The following RASAL2 variants were observed in gnomAD, a reference collection of about 807,000 sequenced individuals.
The protein encoded by RASAL2 is RAS protein activator like 2, also known as ras GTPase-activating protein nGAP.
A neutral mutation model predicts 128.9 loss-of-function variants in RASAL2; 58 were observed. The ratio of observed to expected loss-of-function variants is 0.45; its 90% CI spans 0.36 to 0.56. RASAL2 has a LOEUF of 0.56. RASAL2 is among the 20% of genes least tolerant of loss of function. The probability of loss-of-function intolerance (pLI) is 0.00; values close to 1 mark genes in which losing one functional copy is unlikely to be tolerated. For synonymous variants in RASAL2, 561 were observed against 580.8 expected, an observed-to-expected ratio of 0.97 and a Z score of 0.49; for missense variants, 1,360 against 1,601.6, an observed-to-expected ratio of 0.85 and a Z score of 2.57.
intron 1 of RASAL2, among the ~76,000 whole-genome samples, chr1:178,283,090 T>G (rs1217304086): frequency 6.6e-6 from 1 of 152,202 alleles, no homozygotes; most frequent in Non-Finnish European, 1.5e-5. Context: ...GTTTAAACAT[T>G]GTCAATTCCT....
At chr1:178,156,757 C>CTT in intron 1 of RASAL2, among the ~76,000 whole-genome samples, 1 of 152,112 alleles carries the variant, frequency 6.6e-6, no homozygotes, top group Non-Finnish European at 1.5e-5. Context: ...AATAAATATT[C>CTT]TTTTTTAAAA....
intron 8 of RASAL2, among the ~76,000 whole-genome samples, chr1:178,444,470 TAAAGTA>T (rs1676864364): frequency 1.3e-5 from 2 of 152,222 alleles, no homozygotes; most frequent in African/African-American, 2.4e-5. Context: ...TGCTTAATTT[TAAAGTA>T]AAAGTAAATC....
At chr1:178,280,024 A>G (rs1666710041) in intron 1 of RASAL2, among the ~76,000 whole-genome samples, 1 of 152,194 alleles carries the variant, frequency 6.6e-6, no homozygotes, top group South Asian at 2.1e-4. Context: ...TCAAAGGACA[A>G]GGTGGACCAG....
intron 1 of RASAL2, among the ~76,000 whole-genome samples, chr1:178,256,423 C>T (rs1187853108): frequency 6.6e-6 from 1 of 152,098 alleles, no homozygotes. Flanking sequence ...TACTTTCCTC[C>T]TAATGTGAAA....
intron 1 of RASAL2, among the ~76,000 whole-genome samples, chr1:178,115,021 A>T (rs1311384540): frequency 3.9e-5 from 6 of 151,954 alleles, no homozygotes; most frequent in Non-Finnish European, 7.4e-5. Flanking sequence ...TACATTATAA[A>T]TTTTTTTTCC....
intron 7 of RASAL2, among the ~76,000 whole-genome samples, chr1:178,442,320 C>T (rs929220612): frequency 2.6e-5 from 4 of 152,072 alleles, no homozygotes; most frequent in African/African-American, 9.7e-5. Context: ...GAAGCTAGTA[C>T]ATGATAGAAG....
In RASAL2 at chr1:178,464,535, A is replaced by G. The variant is rs1211492841; in HGVS notation, c.3387+123A>G. On this transcript the variant is annotated intron_variant, in intron 15 of 17. Transcript: ENST00000367649. ...TTCACCTCTACCCCTTATGTTAATC[A>G]TCCTATACATATCTATGTAAAATAG... The G allele has an allele frequency of 2.8e-6, 3 of 1,085,008 alleles. No individual in the cohort carries two copies. In the African/African-American group the frequency reaches 4.8e-5, roughly 17 times the overall value. The allele number at this position is 1,085,008 out of a possible 1,614,324, so 67.2% of individuals were successfully genotyped here. A position where few individuals can be genotyped will look rare whatever the true frequency, so the allele number is the denominator to read the frequency against.
chr1:178,475,710 G>A lies in RASAL2; in HGVS notation c.*2471G>A, dbSNP rs1558022352. 6.6e-6 allele frequency: 1 copy of A among 151,848 alleles called. No homozygotes were observed. Among genetic ancestry groups the A allele is most frequent in the Non-Finnish European group, 1.5e-5 (1 of 67,968 alleles). The allele number at this position is 151,848 out of a possible 1,614,324, so 9.4% of individuals were successfully genotyped here. On this transcript the variant is annotated 3_prime_UTR_variant, in exon 18 of 18. Transcript: ENST00000367649. Reference sequence around the variant, plus strand: ...AGAGTGTATCTTATTAGCATTATGGGAGCTCCTTAGAGGGCTGTCTTCACT... The same window carrying A: ...AGAGTGTATCTTATTAGCATTATGGAAGCTCCTTAGAGGGCTGTCTTCACT...
chr1:178,259,421 G>A (rs919117422), intron 1 of RASAL2, among the ~76,000 whole-genome samples: 1 of 152,190 alleles, frequency 6.6e-6, no homozygotes, highest in African/African-American at 2.4e-5. Flanking sequence ...GAGCTGACAA[G>A]AATGTTCTAA....
intron 1 of RASAL2, among the ~76,000 whole-genome samples, chr1:178,258,052 T>C (rs993302180): frequency 1.3e-5 from 2 of 151,912 alleles, no homozygotes; most frequent in African/African-American, 4.8e-5. Flanking sequence ...CCCAGCACTT[T>C]GGGAGGTCAA....
chr1:178,225,764 C>CATATAT (rs140192170), intron 1 of RASAL2, among the ~76,000 whole-genome samples: 244 of 147,398 alleles, frequency 1.7e-3, no homozygotes, highest in African/African-American at 5.8e-3. Flanking sequence ...ACTGTACATA[C>CATATAT]ATATATATAT....
intron 1 of RASAL2, among the ~76,000 whole-genome samples, chr1:178,177,734 G>A (rs1418179567): frequency 1.3e-5 from 2 of 152,154 alleles, no homozygotes; most frequent in African/African-American, 4.8e-5. Flanking sequence ...GCTGAGCCAG[G>A]AAAGTAAGGA....
rs1666881609 is a variant in RASAL2 at position 178,283,564 on chromosome 1, A to T, written c.203A>T (p.Asp68Val). The change falls in exon 2 of 18, where the codon GAT becomes GTT. Residue 68 changes from aspartate to valine, a missense_variant and splice_region_variant. Asp to Val is a radical substitution (Grantham distance 152). This residue lies in a region of RASAL2 where 617 missense variants were observed against 714.2 expected (regional missense o/e 0.86). Transcript: ENST00000367649. Reference protein sequence around the residue: ...CQQQSWVRVYDVKGPPTHRLS... With the variant: ...CQQQSWVRVYVVKGPPTHRLS... ...TTTGTTTTTCCCTTTTCTCATGCAG[A>T]TGTGAAAGGACCACCCACCCACCGT... 1 of 1,611,230 alleles carries T rather than the reference A, an allele frequency of 6.2e-7. No individual in the cohort carries two copies. Among genetic ancestry groups the T allele is most frequent in the East Asian group, 2.2e-5 (1 of 44,810 alleles).
chr1:178,174,006 C>G (rs1464738362), intron 1 of RASAL2, among the ~76,000 whole-genome samples: 2 of 151,538 alleles, frequency 1.3e-5, no homozygotes, highest in Non-Finnish European at 2.9e-5. Context: ...GATTCATACT[C>G]TATGAAAATT....
rs183884786 is a variant in RASAL2 at position 178,463,774 on chromosome 1, C to T, written c.3253-504C>T. 6.8e-3 allele frequency among the ~76,000 whole-genome samples: 1,028 copies of T among 152,230 alleles called. 49 individuals are homozygous for T. The highest frequency in any genetic ancestry group is 0.062 in the Admixed American group (946 of 15,294). ...TTGCACCAACCTAGTATTTGCCATTCTGATATATAAATGGGCACTTTGTGA... is the reference window on the plus strand; with the variant it reads ...TTGCACCAACCTAGTATTTGCCATTTTGATATATAAATGGGCACTTTGTGA... On this transcript the variant is annotated intron_variant, in intron 14 of 17. Transcript: ENST00000367649.
intron 1 of RASAL2, among the ~76,000 whole-genome samples, chr1:178,143,623 A>G (rs1660613957): frequency 6.6e-6 from 1 of 152,182 alleles, no homozygotes; most frequent in Non-Finnish European, 1.5e-5. Flanking sequence ...ATGGTTCTAC[A>G]TATGCATCAG....
intron 2 of RASAL2, among the ~76,000 whole-genome samples, chr1:178,286,741 T>A (rs1571782395): frequency 6.6e-6 from 1 of 151,182 alleles, no homozygotes; most frequent in South Asian, 2.2e-4. Flanking sequence ...TCCTCGTCGT[T>A]TTTTGTTGAT....
intron 1 of RASAL2, among the ~76,000 whole-genome samples, chr1:178,223,028 A>G (rs1475136958): frequency 1.3e-5 from 2 of 152,270 alleles, no homozygotes; most frequent in African/African-American, 4.8e-5. Context: ...TGTAATCTTC[A>G]TGGTATCAGA....
chr1:178,292,725 T>G (rs1236749129), intron 2 of RASAL2, among the ~76,000 whole-genome samples: 2 of 152,096 alleles, frequency 1.3e-5, no homozygotes, highest in Non-Finnish European at 2.9e-5. Flanking sequence ...TTGAGGGAAA[T>G]GGTAGAGAAG....
Sources: allele counts gnomAD v4.1 joint callset (sites outside exome capture counted in the v4.1 genomes callset), GRCh38; gene constraint gnomAD v4.1.1; regional missense constraint gnomAD v4.1.1; transcripts MANE v1.5; gene names NCBI Gene and HGNC (gene_info 2026-07-23, HGNC 2026-07-21).